SH2B3: variants seen among roughly 807,000 people sequenced by gnomAD.
SH2B3 encodes the protein SH2B adaptor protein 3.
Under a neutral mutation model 51.9 loss-of-function variants are expected in SH2B3, and 43 were observed. That is an observed-to-expected ratio of 0.83 (90% CI 0.65 to 1.07). SH2B3 has a LOEUF of 1.07. Among genes scored for constraint, SH2B3 ranks in the 50% least tolerant of loss-of-function variants. SH2B3 has a pLI of 0.00. For synonymous variants in SH2B3, 396 were observed against 376.0 expected, an observed-to-expected ratio of 1.05 and a Z score of -0.62; for missense variants, 952 against 834.3, an observed-to-expected ratio of 1.14 and a Z score of -1.74.
chr12:111,448,355 G>T lies in SH2B3; in HGVS notation c.*53G>T, dbSNP rs1401685058. On this transcript the variant is annotated 3_prime_UTR_variant, in exon 8 of 8. Coordinates refer to ENST00000341259, the MANE Select transcript of SH2B3 (RefSeq NM_005475.3). ...CTGCCCTTGAGGAGCACAGGCAGAA[G>T]TGTGAACTTGTGAATGTAATTGATC... 3 of 1,240,662 alleles carry T rather than the reference G, an allele frequency of 2.4e-6. No individual in the cohort carries two copies. Among genetic ancestry groups the T allele is most frequent in the Admixed American group, 2.2e-5 (1 of 46,358 alleles). The allele number at this position is 1,240,662 out of a possible 1,614,324, so 76.9% of individuals were successfully genotyped here.
intron 2 of SH2B3, among the ~76,000 whole-genome samples, chr12:111,430,037 G>A (rs1042280717): frequency 1.3e-4 from 20 of 152,328 alleles, no homozygotes; most frequent in Admixed American, 8.5e-4. Flanking sequence ...CTGGGCCCAC[G>A]TCTCCTGGGG....
rs2135624848 is a variant in SH2B3, at chr12:111,448,269, G to A, written c.1695G>A (p.Leu565=). Residue 565 remains leucine, a synonymous_variant, in exon 8 of 8, where the codon CTG becomes CTA. Coordinates refer to ENST00000341259, the MANE Select transcript of SH2B3 (RefSeq NM_005475.3). ...TGGACTCATCCTCCCGGAGCCACCT[G>A]CGGGCCATAGACAATCAGTACACAC... The part of the protein sequence containing the change: ...YEMDSSSRSH[L]RAIDNQYTPL 4 of 1,613,802 alleles carry A rather than the reference G, an allele frequency of 2.5e-6. No individual in the cohort carries two copies. The East Asian group carries it at 8.9e-5, about 36-fold the overall frequency.
rs1299626655 is a variant in SH2B3, at chr12:111,418,893, C to T, written c.732+16C>T. On this transcript the variant is annotated intron_variant, in intron 2 of 7. Transcript: ENST00000341259. This position sits in a 1 kb window ranked among gnomAD's most constrained non-coding sequence, Gnocchi z 6.7. Reference sequence around the variant, plus strand: ...CCCACCCAAGGTAAGTAAGCCCTGCCCGCGGGGTTGCGCACTGCACTGCGC... The same window carrying T: ...CCCACCCAAGGTAAGTAAGCCCTGCTCGCGGGGTTGCGCACTGCACTGCGC... 3.6e-6 allele frequency: 5 copies of T among 1,393,348 alleles called. No homozygotes were observed. The highest frequency in any genetic ancestry group is 6.1e-5 in the East Asian group (2 of 32,760). The allele number at this position is 1,393,348 out of a possible 1,614,324, so 86.3% of individuals were successfully genotyped here.
chr12:111,404,842 G>A (rs1870134612), upstream of SH2B3, among the ~76,000 whole-genome samples: 2 of 152,222 alleles, frequency 1.3e-5, no homozygotes, highest in Admixed American at 6.5e-5. Flanking sequence ...CATTTCATAG[G>A]CAAGGAAGTG....
chr12:111,414,782 G>A (rs1233959897), intron 1 of SH2B3, among the ~76,000 whole-genome samples: 1 of 152,122 alleles, frequency 6.6e-6, no homozygotes, highest in Non-Finnish European at 1.5e-5. Flanking sequence ...ATGCAGAGAC[G>A]GTGCCTGTGG....
intron 1 of SH2B3, among the ~76,000 whole-genome samples, chr12:111,411,063 C>T (rs1333915355): frequency 6.6e-6 from 1 of 152,046 alleles, no homozygotes; most frequent in African/African-American, 2.4e-5. Context: ...TCATTTACCA[C>T]ACTTTAAGAA....
intron 2 of SH2B3, among the ~76,000 whole-genome samples, chr12:111,425,828 G>A (rs1215408603): frequency 6.6e-6 from 1 of 152,180 alleles, no homozygotes; most frequent in Admixed American, 6.5e-5. Flanking sequence ...GCCCCAGGCA[G>A]GGCAAGGACA....
At chr12:111,447,584 G>GGC (rs1565991399) in intron 6 of SH2B3, 40 bp downstream of exon 6, 18 of 1,605,862 alleles carry the variant, frequency 1.1e-5, no homozygotes, top group Non-Finnish European at 1.5e-5. Context: ...AGGCAGGACC[G>GGC]TGCCACCCCT....
At position 111,418,882 on chromosome 12, in the gene SH2B3, GTAAGCC is replaced by G; in HGVS notation, c.732+6_732+11del. 2 of 1,401,228 alleles carry G rather than the reference GTAAGCC, an allele frequency of 1.4e-6. No individual in the cohort carries two copies. The highest frequency in any genetic ancestry group is 1.8e-6 in the Non-Finnish European group (2 of 1,090,630). The allele number at this position is 1,401,228 out of a possible 1,614,324, so 86.8% of individuals were successfully genotyped here. A position where few individuals can be genotyped will look rare whatever the true frequency, so the allele number is the denominator to read the frequency against. ...GAGCTCTTCGACCCACCCAAGGTAA[GTAAGCC>G]CTGCCCGCGGGGTTGCGCACTGCAC... On this transcript the variant is annotated splice_donor_region_variant and intron_variant, in intron 2 of 7. Transcript: ENST00000341259. This position sits in a 1 kb window ranked among gnomAD's most constrained non-coding sequence, Gnocchi z 6.7.
intron 2 of SH2B3, among the ~76,000 whole-genome samples, chr12:111,434,582 G>A (rs1251078647): frequency 6.6e-6 from 1 of 152,168 alleles, no homozygotes; most frequent in Admixed American, 6.5e-5. Context: ...ATGGGGGTTT[G>A]CAAGTTCCAG....
rs2135614208 is a variant in SH2B3, at chr12:111,446,733, AC to A, written c.733-16del. 1 of 1,436,674 alleles carries A rather than the reference AC, an allele frequency of 7.0e-7. No homozygotes were observed. The highest frequency in any genetic ancestry group is 2.3e-5 in the East Asian group (1 of 43,424). 89.0% of individuals were successfully genotyped at this position (1,436,674 alleles called of 1,614,324 possible). A position where few individuals can be genotyped will look rare whatever the true frequency, so the allele number is the denominator to read the frequency against. On this transcript the variant is annotated intron_variant, in intron 2 of 7. Transcript: ENST00000341259. ...AGAGCATCAGGAACAAGCCTTGAGT[AC>A]CCCAACTTGGTCTCGTAGAGTTCAA...
At chr12:111,404,919 C>A (rs1870141303), upstream of SH2B3, among the ~76,000 whole-genome samples, 1 of 152,218 alleles carries the variant, frequency 6.6e-6, no homozygotes, top group East Asian at 1.9e-4. Flanking sequence ...AATGGAGACA[C>A]TTGCTGCCTG....
intron 2 of SH2B3, among the ~76,000 whole-genome samples, chr12:111,433,368 T>C (rs563275075): frequency 2.6e-5 from 4 of 152,242 alleles, no homozygotes; most frequent in Admixed American, 2.6e-4. Context: ...AAAATGACTA[T>C]ATATAAAATA....
At position 111,418,525 on chromosome 12, in the gene SH2B3, C is replaced by A; in HGVS notation, c.380C>A (p.Pro127Gln). ...CGCAGCTCTGAGGAGCTGGCCCCGC[C>A]GCGGCCGCCCGGGCCCTGCTCCTTC... ...KARSSEELAP[P>Q]RPPGPCSFQH... The change falls in exon 2 of 8, where the codon CCG (proline) becomes CAG (glutamine). Residue 127 changes from proline to glutamine, a missense_variant. Physicochemically the swap from Pro to Gln is moderately conservative, Grantham distance 76. Coordinates refer to ENST00000341259, the MANE Select transcript of SH2B3 (RefSeq NM_005475.3). This position sits in a 1 kb window ranked among gnomAD's most constrained non-coding sequence, Gnocchi z 6.7. 1 of 1,394,900 alleles carries A rather than the reference C, an allele frequency of 7.2e-7. No homozygotes were observed. The highest frequency in any genetic ancestry group is 9.3e-7 in the Non-Finnish European group (1 of 1,076,182). The allele number at this position is 1,394,900 out of a possible 1,614,324, so 86.4% of individuals were successfully genotyped here. A position where few individuals can be genotyped will look rare whatever the true frequency, so the allele number is the denominator to read the frequency against.
chr12:111,447,715 C>T lies in SH2B3; in HGVS notation c.1296C>T (p.Pro432=), dbSNP rs1330003024. ...GCCGTGTGCAGCACCTCCACTTTCC[C>T]TCGGTCGTGGACATGCTCCACCACT... ...GQCRVQHLHF[P]SVVDMLHHFQ... The change falls in exon 7 of 8, where the codon CCC becomes CCT. Residue 432 remains proline, a synonymous_variant. Coordinates refer to ENST00000341259, the MANE Select transcript of SH2B3 (RefSeq NM_005475.3). 2 of 1,613,854 alleles carry T rather than the reference C, an allele frequency of 1.2e-6. No individual in the cohort carries two copies. The highest frequency in any genetic ancestry group is 1.7e-6 in the Non-Finnish European group (2 of 1,179,972).
chr12:111,432,119 C>CTT (rs59813434), intron 2 of SH2B3, among the ~76,000 whole-genome samples: 1 of 141,576 alleles, frequency 7.1e-6, no homozygotes, highest in Non-Finnish European at 1.5e-5. Flanking sequence ...TTTCTGTATT[C>CTT]TTTTTTTTTT....
intron 1 of SH2B3, among the ~76,000 whole-genome samples, chr12:111,415,662 C>T (rs532734043): frequency 3.8e-4 from 57 of 148,384 alleles, no homozygotes; most frequent in African/African-American, 1.4e-3. Context: ...CGCTCTGTCA[C>T]CCAGGCTGGA....
Position 111,418,248 on chromosome 12 carries a change from G to T in SH2B3, c.103G>T (p.Val35Leu). The stretch of plus-strand genomic sequence containing the variant: ...GAGCGAGTTCTGTGAGTTGCACGCC[G>T]TAGCGGCGGCCCGGGAGCTGGCCCG... ...GWSEFCELHAVAAARELARQY... is the reference protein window; with the variant it reads ...GWSEFCELHALAAARELARQY... The change falls in exon 2 of 8, where the codon GTA (valine) becomes TTA (leucine). Residue 35 changes from valine (V) to leucine (L), a missense_variant. Transcript: ENST00000341259. This position sits in a 1 kb window ranked among gnomAD's most constrained non-coding sequence, Gnocchi z 6.7. The T allele has an allele frequency of 6.5e-7, 1 of 1,543,362 alleles. No homozygotes were observed. Among genetic ancestry groups the T allele is most frequent in the Admixed American group, 1.9e-5 (1 of 52,250 alleles).
At chr12:111,440,962 ATTCTCAGGGAAGGGT>A (rs1218462583) in intron 2 of SH2B3, among the ~76,000 whole-genome samples, 3 of 152,156 alleles carry the variant, frequency 2.0e-5, no homozygotes, top group Non-Finnish European at 4.4e-5. Context: ...CTATGCTCAT[ATTCTCAGGGAAGGGT>A]AGTGGCATTA....
Sources: allele counts gnomAD v4.1 joint callset (sites outside exome capture counted in the v4.1 genomes callset), GRCh38; gene constraint gnomAD v4.1.1; non-coding constraint Gnocchi (gnomAD v3.1); transcripts MANE v1.5; gene names NCBI Gene and HGNC (gene_info 2026-07-23, HGNC 2026-07-21).